The following ROBO2 variants were observed in gnomAD, a reference collection of about 807,000 sequenced individuals.
ROBO2 encodes roundabout guidance receptor 2, also known as roundabout homolog 2.
Under a neutral mutation model 160.8 loss-of-function variants are expected in ROBO2, and 53 were observed. That is an observed-to-expected ratio of 0.33 (90% confidence interval 0.26 to 0.41). The LOEUF (loss-of-function observed/expected upper bound fraction) is 0.41. ROBO2 is among the 10% of genes least tolerant of loss of function. ROBO2 has a pLI of 1.00. For synonymous variants in ROBO2, 664 were observed against 611.7 expected (o/e 1.09, Z -1.26); for missense variants, 1,577 against 1,722.4 (o/e 0.92, Z 1.49).
chr3:77,411,289 A>G (rs2076780055), intron 2 of ROBO2, among the ~76,000 whole-genome samples: 1 of 152,180 alleles, frequency 6.6e-6, no homozygotes, highest in Admixed American at 6.5e-5. Flanking sequence ...GGCATAAATT[A>G]ATGAAACCTT....
At chr3:77,491,073 G>A (rs1268940608) in intron 4 of ROBO2, among the ~76,000 whole-genome samples, 1 of 152,098 alleles carries the variant, frequency 6.6e-6, no homozygotes, top group Non-Finnish European at 1.5e-5. Flanking sequence ...TGGTGAACAG[G>A]GCCTTCATGG....
chr3:76,969,094 A>C (rs1577932887), intron 2 of ROBO2, among the ~76,000 whole-genome samples: 1 of 152,172 alleles, frequency 6.6e-6, no homozygotes, highest in African/African-American at 2.4e-5. Flanking sequence ...CATTTCCTTA[A>C]CTGTTTATAA....
intron 6 of ROBO2, among the ~76,000 whole-genome samples, chr3:77,523,985 C>T (rs1045213729): frequency 1.3e-5 from 2 of 151,146 alleles, no homozygotes; most frequent in Non-Finnish European, 3.0e-5. Context: ...TCAGGTTAGT[C>T]CTTCGCGTGG....
chr3:76,782,763 T>C (rs2062729740), intron 2 of ROBO2, among the ~76,000 whole-genome samples: 1 of 150,762 alleles, frequency 6.6e-6, no homozygotes, highest in Non-Finnish European at 1.5e-5. Context: ...TCAGGCTGTG[T>C]ATATTCTGAA....
chr3:76,391,509 A>G (rs528155539), intron 2 of ROBO2, among the ~76,000 whole-genome samples: 1 of 144,970 alleles, frequency 6.9e-6, no homozygotes, highest in Admixed American at 6.8e-5. Context: ...CATCTTCCTC[A>G]TGATGGTGAT....
At chr3:77,057,821 G>A (rs1395169448) in intron 1 of ROBO2, among the ~76,000 whole-genome samples, 1 of 151,702 alleles carries the variant, frequency 6.6e-6, no homozygotes, top group Non-Finnish European at 1.5e-5. Context: ...CACCCACTTC[G>A]ACCTCCCAAA....
chr3:76,989,693 A>G (rs2060565311), intron 2 of ROBO2, among the ~76,000 whole-genome samples: 1 of 152,134 alleles, frequency 6.6e-6, no homozygotes, highest in African/African-American at 2.4e-5. Flanking sequence ...ACCCTATTAC[A>G]TTTCCATATT....
At chr3:76,305,923 A>G (rs565805865) in intron 2 of ROBO2, among the ~76,000 whole-genome samples, 3 of 151,804 alleles carry the variant, frequency 2.0e-5, no homozygotes, top group African/African-American at 7.3e-5. Flanking sequence ...CTTCAACACT[A>G]TGGAGATTTT....
intron 2 of ROBO2, among the ~76,000 whole-genome samples, chr3:76,012,991 G>A (rs979198293): frequency 6.7e-6 from 1 of 149,774 alleles, no homozygotes; most frequent in Non-Finnish European, 1.5e-5. Context: ...GGTGGCTTAT[G>A]CATGTAATCC....
At chr3:77,175,441 G>T (rs1311941399) in intron 2 of ROBO2, among the ~76,000 whole-genome samples, 2 of 152,004 alleles carry the variant, frequency 1.3e-5, no homozygotes, top group Non-Finnish European at 2.9e-5. Context: ...ATTCTAGACT[G>T]AAGAATTCTG....
chr3:77,221,132 A>C (rs2085730839), intron 2 of ROBO2, among the ~76,000 whole-genome samples: 1 of 152,162 alleles, frequency 6.6e-6, no homozygotes, highest in Non-Finnish European at 1.5e-5. Context: ...CCTGGTGTAC[A>C]GCTTTGTCTT....
At chr3:76,016,463 C>T (rs760133105) in intron 2 of ROBO2, among the ~76,000 whole-genome samples, 2 of 151,570 alleles carry the variant, frequency 1.3e-5, no homozygotes, top group Admixed American at 6.6e-5. Context: ...ACAAGAAAAA[C>T]GATTGTCATT....
At chr3:76,076,403 T>C (rs2068647345) in intron 2 of ROBO2, among the ~76,000 whole-genome samples, 1 of 152,212 alleles carries the variant, frequency 6.6e-6, no homozygotes, top group African/African-American at 2.4e-5. Flanking sequence ...TAACTCACAG[T>C]TGGCTATGGC....
chr3:76,177,666 T>C (rs929003913), intron 2 of ROBO2, among the ~76,000 whole-genome samples: 1 of 152,204 alleles, frequency 6.6e-6, no homozygotes, highest in Non-Finnish European at 1.5e-5. Context: ...ATGCTAATTG[T>C]AATTCCCCTC....
intron 1 of ROBO2, among the ~76,000 whole-genome samples, chr3:77,059,093 C>A (rs2066036718): frequency 6.6e-6 from 1 of 152,026 alleles, no homozygotes; most frequent in African/African-American, 2.4e-5. Flanking sequence ...GTGTCATAAG[C>A]AGATTATAAA....
intron 2 of ROBO2, among the ~76,000 whole-genome samples, chr3:77,206,226 A>G (rs556701869): frequency 6.6e-6 from 1 of 151,930 alleles, no homozygotes; most frequent in African/African-American, 2.4e-5. Context: ...CTAGAGTGCA[A>G]TGGCGCGATC....
In ROBO2 at chr3:76,113,955, A is replaced by C. The variant is rs754339455; in HGVS notation, c.109+176353A>C. On this transcript the variant is annotated intron_variant, in intron 2 of 26. Coordinates refer to the ROBO2 transcript ENST00000487694. ...CTTGCCCCCTCTCTTGCCATGTGACACACCTGCTCCCCCTTTGGCTTCTGC... is the reference window on the plus strand; with the variant it reads ...CTTGCCCCCTCTCTTGCCATGTGACCCACCTGCTCCCCCTTTGGCTTCTGC... Among the ~76,000 whole-genome samples, 18 of 152,084 alleles carry C rather than the reference A, an allele frequency of 1.2e-4. 1 individual carries two copies. Among genetic ancestry groups the C allele is most frequent in the Non-Finnish European group, 5.9e-5 (4 of 68,014 alleles).
At chr3:77,558,526 A>G (rs915233992) in intron 9 of ROBO2, among the ~76,000 whole-genome samples, 1 of 152,124 alleles carries the variant, frequency 6.6e-6, no homozygotes, top group Non-Finnish European at 1.5e-5. Flanking sequence ...AAATGTAGAT[A>G]AAGTGGCTTG....
intron 2 of ROBO2, among the ~76,000 whole-genome samples, chr3:75,996,357 T>C (rs958603707): frequency 6.6e-6 from 1 of 152,162 alleles, no homozygotes; most frequent in Non-Finnish European, 1.5e-5. Context: ...GTCTGGCGTT[T>C]CCCCTCCTGG....
Sources: gnomAD v4.1 joint callset for allele counts (sites outside exome capture counted in the v4.1 genomes callset) on GRCh38, gnomAD v4.1.1 for gene constraint, MANE v1.5 for transcripts, NCBI Gene and HGNC (gene_info 2026-07-23, HGNC 2026-07-21) for gene names.